Variants in CIROZ observed in about 807,000 individuals in gnomAD.
CIROZ encodes ciliated left-right organizer ZP-N domains-containing protein.
the CIROZ span, among the ~76,000 whole-genome samples, chr1:10,973,313 CA>C: frequency 1.4e-4 from 22 of 152,270 alleles, no homozygotes; most frequent in East Asian, 4.1e-3. Context: ...GTGGAGGCTG[CA>C]GTGGGCAGAG....
the CIROZ span, chr1:10,948,404 G>A: frequency 6.2e-7 from 1 of 1,613,202 alleles, no homozygotes; most frequent in East Asian, 2.2e-5. Flanking sequence ...GCTCCCCCAT[G>A]ATGGGCTCAG....
At chr1:10,967,018 G>A in the CIROZ span, among the ~76,000 whole-genome samples, 1 of 151,928 alleles carries the variant, frequency 6.6e-6, no homozygotes, top group African/African-American at 2.4e-5. Flanking sequence ...GCATGGTGGT[G>A]CCCGCCTGTA....
the CIROZ span, among the ~76,000 whole-genome samples, chr1:10,959,752 G>A: frequency 6.6e-5 from 10 of 152,152 alleles, no homozygotes; most frequent in Admixed American, 4.6e-4. This position sits in a 1 kb window ranked among gnomAD's most constrained non-coding sequence, Gnocchi z 4.3. Context: ...GAAAAGGCCC[G>A]CCACCACCAT....
chr1:10,949,736 G>A, the CIROZ span: 1 of 1,589,508 alleles, frequency 6.3e-7, no homozygotes, highest in Non-Finnish European at 8.6e-7. Flanking sequence ...TCCCGCTGGA[G>A]GGGTCTCTGG....
At chr1:10,977,453 A>G in the CIROZ span, among the ~76,000 whole-genome samples, 4 of 152,212 alleles carry the variant, frequency 2.6e-5, no homozygotes, top group African/African-American at 9.6e-5. Flanking sequence ...ACTGCACTCC[A>G]GCCTGCATGA....
At chr1:10,957,232 A>T in the CIROZ span, 1 of 732,074 alleles carries the variant, frequency 1.4e-6, no homozygotes, top group Non-Finnish European at 2.2e-6. Flanking sequence ...CAAGTGTTAC[A>T]AAGCCCAGGT....
chr1:10,948,047 T>C, the CIROZ span: 2 of 1,613,182 alleles, frequency 1.2e-6, no homozygotes, highest in South Asian at 2.2e-5. Context: ...CCAGGGGCGC[T>C]GCCAGCCTCA....
the CIROZ span, among the ~76,000 whole-genome samples, chr1:10,959,366 G>A: frequency 2.9e-4 from 44 of 152,224 alleles, 1 homozygote; most frequent in Admixed American, 1.7e-3. This position sits in a 1 kb window ranked among gnomAD's most constrained non-coding sequence, Gnocchi z 4.3. Flanking sequence ...CAGCCATCCC[G>A]TAGGGTGGCA....
At chr1:10,964,359 C>T in the CIROZ span, 1 of 1,416,616 alleles carries the variant, frequency 7.1e-7, no homozygotes. Context: ...CTGTTCACAG[C>T]AAATAGGACA....
the CIROZ span, among the ~76,000 whole-genome samples, chr1:10,958,187 G>A: frequency 6.6e-6 from 1 of 152,196 alleles, no homozygotes; most frequent in Non-Finnish European, 1.5e-5. Context: ...AGGGTCGCCA[G>A]CTCCCATCTC....
At chr1:10,949,116 C>T in the CIROZ span, 8 of 303,184 alleles carry the variant, frequency 2.6e-5, no homozygotes, top group East Asian at 2.3e-4. Context: ...CCCAGCTACT[C>T]GGGAAGCTGA....
At chr1:10,966,442 A>G in the CIROZ span, 1 of 1,536,624 alleles carries the variant, frequency 6.5e-7, no homozygotes, top group Non-Finnish European at 8.7e-7. Context: ...AGCCACATTT[A>G]GCAAGAGAAG....
chr1:10,964,120 C>T, the CIROZ span: 7 of 1,613,304 alleles, frequency 4.3e-6, no homozygotes, highest in East Asian at 1.3e-4. Flanking sequence ...ACCCCCCGAA[C>T]CCATTACCTG....
the CIROZ span, among the ~76,000 whole-genome samples, chr1:10,953,345 T>C: frequency 3.3e-5 from 5 of 152,242 alleles, no homozygotes; most frequent in African/African-American, 1.2e-4. Context: ...CCTTGTGCTG[T>C]ATTTCAATGG....
the CIROZ span, among the ~76,000 whole-genome samples, chr1:10,975,658 A>G: frequency 6.6e-6 from 1 of 151,568 alleles, no homozygotes; most frequent in Non-Finnish European, 1.5e-5. Context: ...CCAAGCCCAG[A>G]GTAAGCGCTC....
At chr1:10,968,127 C>T in the CIROZ span, among the ~76,000 whole-genome samples, 1 of 152,134 alleles carries the variant, frequency 6.6e-6, no homozygotes, top group African/African-American at 2.4e-5. Context: ...CCACTGCACT[C>T]CAGCCTGGGC....
At chr1:10,960,676 G>A in the CIROZ span, among the ~76,000 whole-genome samples, 7 of 152,348 alleles carry the variant, frequency 4.6e-5, no homozygotes, top group Non-Finnish European at 1.0e-4. This position sits in a 1 kb window ranked among gnomAD's most constrained non-coding sequence, Gnocchi z 4.6. Flanking sequence ...AGATCGCTGC[G>A]AGCAGGGCAC....
chr1:10,948,570 G>A, the CIROZ span: 47 of 1,614,084 alleles, frequency 2.9e-5, no homozygotes, highest in Admixed American at 1.8e-4. Context: ...AGGCCTCGGG[G>A]CTGGCGGTGA....
At chr1:10,970,124 G>A in the CIROZ span, 2 of 1,479,344 alleles carry the variant, frequency 1.4e-6, no homozygotes, top group South Asian at 1.3e-5. Context: ...AGGGAGGTGG[G>A]GAAGGGAGGG....
Sources: allele counts gnomAD v4.1 joint callset (sites outside exome capture counted in the v4.1 genomes callset), GRCh38; gene constraint gnomAD v4.1.1; non-coding constraint Gnocchi (gnomAD v3.1); transcripts MANE v1.5; gene names NCBI Gene and HGNC (gene_info 2026-07-23, HGNC 2026-07-21).